DOCK3: variants seen among roughly 807,000 people sequenced by gnomAD.
DOCK3 encodes the protein dedicator of cytokinesis protein 3.
Under a neutral mutation model 265.6 loss-of-function variants are expected in DOCK3, and 60 were observed. That is an observed-to-expected ratio of 0.23 (90% CI 0.18 to 0.28). The LOEUF (loss-of-function observed/expected upper bound fraction) is 0.28. Ranked by LOEUF, DOCK3 falls within the 10% of genes least tolerant of loss-of-function variation. DOCK3 has a pLI of 1.00. For synonymous variants in DOCK3, 881 were observed against 938.0 expected (o/e 0.94, Z 1.11); for missense variants, 1,981 against 2,594.3 (o/e 0.76, Z 5.14).
intron 9 of DOCK3, among the ~76,000 whole-genome samples, chr3:51,109,867 A>G (rs1350609832): frequency 6.6e-6 from 1 of 152,080 alleles, no homozygotes; most frequent in Non-Finnish European, 1.5e-5. Context: ...TGAGAGGTAG[A>G]GGTTACAGTA....
intron 1 of DOCK3, among the ~76,000 whole-genome samples, chr3:50,703,392 A>G (rs2036178974): frequency 6.6e-6 from 1 of 152,104 alleles, no homozygotes; most frequent in Non-Finnish European, 1.5e-5. Context: ...AGTTTTTGGA[A>G]TAGTTTGAGA....
At chr3:50,846,101 A>G (rs558588866) in intron 3 of DOCK3, among the ~76,000 whole-genome samples, 7 of 152,330 alleles carry the variant, frequency 4.6e-5, no homozygotes, top group Non-Finnish European at 7.4e-5. Context: ...GTCTTTTACT[A>G]TTAAAGAATA....
intron 22 of DOCK3, among the ~76,000 whole-genome samples, chr3:51,249,339 C>A (rs544089980): frequency 1.4e-5 from 2 of 145,740 alleles, no homozygotes; most frequent in Non-Finnish European, 3.1e-5. Context: ...GGGGTTCAGG[C>A]CCCGCCCGGC....
intron 33 of DOCK3, among the ~76,000 whole-genome samples, chr3:51,331,499 G>C (rs2084513123): frequency 6.6e-6 from 1 of 151,226 alleles, no homozygotes; most frequent in Non-Finnish European, 1.5e-5. Context: ...GAGAACCACT[G>C]ATAACATGGA....
At chr3:51,235,619 C>T (rs1202564931) in intron 19 of DOCK3, among the ~76,000 whole-genome samples, 1 of 152,174 alleles carries the variant, frequency 6.6e-6, no homozygotes, top group East Asian at 1.9e-4. Context: ...CACCTTCTAC[C>T]TCATATTTTT....
At chr3:51,159,205 G>A in intron 10 of DOCK3, 39 bp from the exon 11 acceptor site, 1 of 1,586,458 alleles carries the variant, frequency 6.3e-7, no homozygotes, top group Non-Finnish European at 8.7e-7. Flanking sequence ...ATTATTTTCT[G>A]TGTATTCCTT....
Position 50,971,704 on chromosome 3 carries a change from A to G in DOCK3, c.315+37627A>G, listed in dbSNP as rs887840561. On this transcript the variant is annotated intron_variant, in intron 5 of 52. Transcript: ENST00000266037. The stretch of plus-strand genomic sequence containing the variant: ...ATATGCTAGACAGATAAAGGACTTT[A>G]TTTACCAGAAGCAGCTCTCTGTTGC... Among the ~76,000 whole-genome samples, 6 of 132,228 alleles carry G rather than the reference A, an allele frequency of 4.5e-5. No individual in the cohort carries two copies. In the South Asian group the frequency reaches 1.4e-3, roughly 31 times the overall value. The allele number at this position is 132,228 out of a possible 152,430, so 86.7% of individuals were successfully genotyped here.
chr3:51,087,047 T>C (rs980258020), intron 7 of DOCK3, among the ~76,000 whole-genome samples: 3 of 152,124 alleles, frequency 2.0e-5, no homozygotes, highest in East Asian at 3.9e-4. Flanking sequence ...ACCAAACTTA[T>C]AAGGAAGAAC....
intron 4 of DOCK3, among the ~76,000 whole-genome samples, chr3:50,895,760 G>A (rs2048865253): frequency 6.6e-6 from 1 of 152,092 alleles, no homozygotes; most frequent in African/African-American, 2.4e-5. Context: ...GTGAGAACAT[G>A]TGGTGTTTGG....
At chr3:51,265,589 AT>A (rs2080117346) in intron 23 of DOCK3, among the ~76,000 whole-genome samples, 1 of 152,216 alleles carries the variant, frequency 6.6e-6, no homozygotes, top group Non-Finnish European at 1.5e-5. Flanking sequence ...AACAGAACCA[AT>A]GACAAAAACT....
chr3:50,904,380 C>A (rs951085544), intron 4 of DOCK3, among the ~76,000 whole-genome samples: 11 of 152,332 alleles, frequency 7.2e-5, no homozygotes, highest in Admixed American at 3.3e-4. Flanking sequence ...GTCCCACCAA[C>A]AGTGTAAGAG....
chr3:51,175,106 C>T (rs1480085175), intron 12 of DOCK3, among the ~76,000 whole-genome samples: 1 of 152,206 alleles, frequency 6.6e-6, no homozygotes, highest in Non-Finnish European at 1.5e-5. Context: ...CCCCAGACCT[C>T]AGCTGAGTCA....
At chr3:51,171,936 C>G (rs1323962089) in intron 12 of DOCK3, among the ~76,000 whole-genome samples, 1 of 151,960 alleles carries the variant, frequency 6.6e-6, no homozygotes, top group East Asian at 1.9e-4. Flanking sequence ...TTGAAGTTCC[C>G]TACTGTTATT....
intron 8 of DOCK3, 122 bp from the exon 9 acceptor site, chr3:51,090,108 A>T: frequency 8.8e-7 from 1 of 1,133,144 alleles, no homozygotes; most frequent in Non-Finnish European, 1.2e-6. Context: ...AAACATCTTC[A>T]GTTTCTCAAA....
At chr3:51,086,167 C>CAAAGGGATGGGCCAAAAT (rs2109503792) in intron 7 of DOCK3, among the ~76,000 whole-genome samples, 1 of 152,284 alleles carries the variant, frequency 6.6e-6, no homozygotes, top group South Asian at 2.1e-4. Context: ...TTATGGGAAA[C>CAAAGGGATGGGCCAAAAT]AAAGGGATGG....
intron 32 of DOCK3, among the ~76,000 whole-genome samples, chr3:51,316,395 T>C (rs1186621494): frequency 6.6e-6 from 1 of 152,244 alleles, no homozygotes; most frequent in Non-Finnish European, 1.5e-5. Flanking sequence ...ATTTCCTCTT[T>C]TGTGGATTAT....
At chr3:50,898,378 T>C (rs899815057) in intron 4 of DOCK3, among the ~76,000 whole-genome samples, 2 of 152,192 alleles carry the variant, frequency 1.3e-5, no homozygotes, top group Admixed American at 1.3e-4. Context: ...TTTTCTTCTT[T>C]ATTGGTCTGG....
chr3:51,239,563 T>G (rs1034170466), intron 21 of DOCK3, among the ~76,000 whole-genome samples: 31 of 139,906 alleles, frequency 2.2e-4, no homozygotes, highest in East Asian at 6.2e-4. Flanking sequence ...GGGTTTTTTT[T>G]TTGTTTGTTT....
In DOCK3 at chr3:50,831,740, T is replaced by C. The variant is rs144709631; in HGVS notation, c.122-9935T>C. On this transcript the variant is annotated intron_variant, in intron 2 of 52. Coordinates refer to ENST00000266037, the MANE Select transcript of DOCK3 (RefSeq NM_004947.5). ...AATGATTTATAATCCTTTGGGTATA[T>C]ACTCAGTAATGGGATTGCTAGGTCA... Among the ~76,000 whole-genome samples, 12 of 152,360 alleles carry C rather than the reference T, an allele frequency of 7.9e-5. No homozygotes were observed. The East Asian group carries it at 2.3e-3, about 29-fold the overall frequency.
Sources: allele counts gnomAD v4.1 joint callset (sites outside exome capture counted in the v4.1 genomes callset), GRCh38; gene constraint gnomAD v4.1.1; transcripts MANE v1.5; gene names NCBI Gene and HGNC (gene_info 2026-07-23, HGNC 2026-07-21).